The following CSMD1 variants were observed in gnomAD, a reference collection of about 807,000 sequenced individuals.
CSMD1 encodes CUB and sushi domain-containing protein 1.
CSMD1 carries 213 observed loss-of-function variants against 417.5 expected under a neutral mutation model. The ratio of observed to expected loss-of-function variants is 0.51; its 90% CI spans 0.46 to 0.57. The LOEUF (loss-of-function observed/expected upper bound fraction) is 0.57. Ranked by LOEUF, CSMD1 falls within the 20% of genes least tolerant of loss-of-function variation. The pLI is 0.00. For synonymous variants in CSMD1, 2,862 were observed against 1,736.8 expected (o/e 1.65, Z -16.11); for missense variants, 6,923 against 4,529.7 (o/e 1.53, Z -15.17).
intron 5 of CSMD1, 40 bp downstream of exon 5, chr8:3,997,863 C>T (rs375948567): frequency 6.4e-7 from 1 of 1,556,816 alleles, no homozygotes; most frequent in Admixed American, 1.8e-5. Flanking sequence ...ACGGGGAAAA[C>T]ACACCTGTAT....
intron 12 of CSMD1, among the ~76,000 whole-genome samples, chr8:3,440,253 C>G (rs1466936023): frequency 2.0e-5 from 3 of 152,130 alleles, no homozygotes; most frequent in Admixed American, 6.6e-5. Context: ...GATTTGAGAT[C>G]TTTACTCTGA....
intron 3 of CSMD1, among the ~76,000 whole-genome samples, chr8:4,075,785 G>C (rs554861436): frequency 1.2e-4 from 19 of 152,264 alleles, no homozygotes; most frequent in African/African-American, 4.3e-4. Flanking sequence ...GGTTTCTCAA[G>C]AGGTTGTGAT....
chr8:4,407,844 T>G (rs74318770), intron 3 of CSMD1, among the ~76,000 whole-genome samples: 5,827 of 152,228 alleles, frequency 0.038, 175 homozygotes, highest in South Asian at 0.12. Context: ...TCTTAAAAAA[T>G]GAAAAATCAG....
intron 12 of CSMD1, among the ~76,000 whole-genome samples, chr8:3,429,142 C>G (rs1002676379): frequency 3.3e-5 from 5 of 152,100 alleles, no homozygotes; most frequent in African/African-American, 1.2e-4. Flanking sequence ...TTACACTTAA[C>G]AATATTGCAT....
chr8:3,738,772 C>G (rs1473274628), intron 6 of CSMD1, among the ~76,000 whole-genome samples: 1 of 152,182 alleles, frequency 6.6e-6, no homozygotes, highest in Non-Finnish European at 1.5e-5. Flanking sequence ...ATAAAACAAC[C>G]TCCGTCAACT....
intron 5 of CSMD1, among the ~76,000 whole-genome samples, chr8:3,846,527 G>A (rs1803515710): frequency 1.3e-5 from 2 of 152,172 alleles, no homozygotes; most frequent in Non-Finnish European, 2.9e-5. Flanking sequence ...CAGGAATGGT[G>A]GGTGGATTAA....
At chr8:4,762,923 A>G (rs1369402730) in intron 1 of CSMD1, among the ~76,000 whole-genome samples, 2 of 152,310 alleles carry the variant, frequency 1.3e-5, no homozygotes, top group East Asian at 3.9e-4. Context: ...AGGTAGGGTT[A>G]TAATTTTAAA....
intron 18 of CSMD1, among the ~76,000 whole-genome samples, chr8:3,376,969 A>G (rs761738954): frequency 6.6e-6 from 1 of 152,190 alleles, no homozygotes; most frequent in Non-Finnish European, 1.5e-5. Context: ...TGAAACTCCC[A>G]TATCAAACTC....
intron 5 of CSMD1, among the ~76,000 whole-genome samples, chr8:3,866,137 C>T (rs975520445): frequency 1.3e-5 from 2 of 152,130 alleles, no homozygotes; most frequent in South Asian, 4.1e-4. Context: ...TTTATGAATA[C>T]TCTGAAGATA....
At chr8:4,767,174 C>T (rs183157844) in intron 1 of CSMD1, among the ~76,000 whole-genome samples, 132 of 152,234 alleles carry the variant, frequency 8.7e-4, no homozygotes, top group African/African-American at 3.0e-3. Context: ...TGTTAATGAA[C>T]ACTGAAAAGC....
At chr8:3,407,426 T>C (rs891802794) in intron 14 of CSMD1, among the ~76,000 whole-genome samples, 1 of 149,266 alleles carries the variant, frequency 6.7e-6, no homozygotes. Context: ...GAAGGATGGA[T>C]GGATAGATGG....
At chr8:3,966,544 G>A (rs972175840) in intron 5 of CSMD1, among the ~76,000 whole-genome samples, 3 of 152,100 alleles carry the variant, frequency 2.0e-5, no homozygotes, top group African/African-American at 7.2e-5. Context: ...TTTGTTTCAG[G>A]TTTATTTTCT....
At chr8:3,683,070 T>C (rs753101451) in intron 7 of CSMD1, among the ~76,000 whole-genome samples, 2 of 152,082 alleles carry the variant, frequency 1.3e-5, no homozygotes, top group South Asian at 2.1e-4. Context: ...AGGGAAGGGA[T>C]AGCATTAGGA....
intron 21 of CSMD1, among the ~76,000 whole-genome samples, chr8:3,348,803 T>G (rs766747820): frequency 2.0e-5 from 3 of 152,170 alleles, no homozygotes; most frequent in Non-Finnish European, 4.4e-5. Context: ...CAAACAAAAT[T>G]CCTCTTATCA....
chr8:3,110,830 A>C lies in CSMD1; in HGVS notation c.6431-495T>G, dbSNP rs1816465879. ...AGATCTATACCTGAAGAAGTAAGATAATGCAATGTAAGATTATGTAAGTGG... is the reference window on the plus strand; with the variant it reads ...AGATCTATACCTGAAGAAGTAAGATCATGCAATGTAAGATTATGTAAGTGG... On this transcript the variant is annotated intron_variant, in intron 42 of 69. Coordinates refer to ENST00000635120, the MANE Select transcript of CSMD1 (RefSeq NM_033225.6). Among the ~76,000 whole-genome samples, 2 of 152,234 alleles carry C rather than the reference A, an allele frequency of 1.3e-5. 1 individual carries two copies. Among genetic ancestry groups the C allele is most frequent in the South Asian group, 4.1e-4 (2 of 4,836 alleles).
intron 3 of CSMD1, among the ~76,000 whole-genome samples, chr8:4,248,976 C>A (rs540086475): frequency 6.6e-6 from 1 of 152,104 alleles, no homozygotes; most frequent in Non-Finnish European, 1.5e-5. Flanking sequence ...TATCATAATT[C>A]AAAACATAAA....
At chr8:4,892,226 A>G (rs1438321131) in intron 1 of CSMD1, among the ~76,000 whole-genome samples, 2 of 152,148 alleles carry the variant, frequency 1.3e-5, no homozygotes, top group South Asian at 4.1e-4. Flanking sequence ...ATACATTGCC[A>G]ATAAAATAGT....
At chr8:3,363,212 C>A (rs1019738090) in intron 20 of CSMD1, among the ~76,000 whole-genome samples, 1 of 152,138 alleles carries the variant, frequency 6.6e-6, no homozygotes, top group Admixed American at 6.5e-5. Context: ...CTGTCAGAGA[C>A]CTGCCTAGGC....
intron 4 of CSMD1, among the ~76,000 whole-genome samples, chr8:4,017,648 G>C (rs565754516): frequency 3.3e-5 from 5 of 152,228 alleles, no homozygotes; most frequent in South Asian, 4.2e-4. Context: ...AAATATTAGA[G>C]AGTTCTAATT....
Sources: gnomAD v4.1 joint callset for allele counts (sites outside exome capture counted in the v4.1 genomes callset) on GRCh38, gnomAD v4.1.1 for gene constraint, MANE v1.5 for transcripts, NCBI Gene and HGNC (gene_info 2026-07-23, HGNC 2026-07-21) for gene names.